The following SAMMSON variants were observed in gnomAD, a reference collection of about 807,000 sequenced individuals.
SAMMSON encodes the protein long intergenic non-protein coding RNA 1212.
chr3:70,070,157 T>G (rs887888966), intron 3 of SAMMSON: 1 of 152,044 alleles, frequency 6.6e-6, no homozygotes, highest in Admixed American at 6.6e-5. Context: ...TTTGAAGTAA[T>G]TGTAGGCTCA....
At position 70,125,017 on chromosome 3, in the gene SAMMSON, G is replaced by A; in HGVS notation, n.507+53452G>A. 1.0e-5 allele frequency: 7 copies of A among 690,694 alleles called. No individual in the cohort carries two copies. The South Asian group carries it at 1.2e-4, about 12-fold the overall frequency. 42.8% of individuals were successfully genotyped at this position (690,694 alleles called of 1,614,324 possible). A position where few individuals can be genotyped will look rare whatever the true frequency, so the allele number is the denominator to read the frequency against. On this transcript the variant is annotated intron_variant and non_coding_transcript_variant, in intron 4 of 9. Coordinates refer to ENST00000642114, the Ensembl canonical transcript of SAMMSON. ...TGGTCAATTTCTTCCTGTCCAAGTT[G>A]GAAAGCCCTTGAAAGATACAGGATT...
intron 3 of SAMMSON, chr3:70,065,410 C>G (rs1161303224): frequency 6.6e-6 from 1 of 152,044 alleles, no homozygotes; most frequent in Non-Finnish European, 1.5e-5. Context: ...CTCTAGCACA[C>G]CTATTACAGA....
At chr3:70,209,007 A>T (rs1278634737) in intron 4 of SAMMSON, among the ~76,000 whole-genome samples, 1 of 152,084 alleles carries the variant, frequency 6.6e-6, no homozygotes, top group Non-Finnish European at 1.5e-5. Flanking sequence ...CAGATGAGAG[A>T]ACACTAGGCT....
intron 2 of SAMMSON, among the ~76,000 whole-genome samples, chr3:70,404,940 T>C (rs1031637133): frequency 5.3e-5 from 8 of 152,114 alleles, no homozygotes; most frequent in Admixed American, 2.0e-4. Flanking sequence ...TCATATTGAG[T>C]CTTTAGCACA....
intron 4 of SAMMSON, chr3:70,125,296 T>C: frequency 1.5e-6 from 2 of 1,309,428 alleles, no homozygotes; most frequent in Non-Finnish European, 2.2e-6. Flanking sequence ...CAACATATCT[T>C]CCAAAAATAT....
intron 6 of SAMMSON, among the ~76,000 whole-genome samples, chr3:70,255,526 ATCCTCCTGCCTCAGTCCTGCAGCCTCAG>A (rs1237697227): frequency 1.3e-5 from 2 of 151,990 alleles, no homozygotes; most frequent in African/African-American, 4.8e-5. Flanking sequence ...GGCTCAAGTG[ATCCTCCTGCCTCAGTCCTGCAGCCTCAG>A]TCCTCCTGCC....
intron 7 of SAMMSON, among the ~76,000 whole-genome samples, chr3:70,300,787 T>C (rs551052544): frequency 6.6e-5 from 10 of 152,004 alleles, no homozygotes; most frequent in Non-Finnish European, 1.2e-4. Context: ...GGCCAGTGAG[T>C]TGCTTTTTAA....
chr3:70,166,137 G>A (rs751977788), intron 4 of SAMMSON, among the ~76,000 whole-genome samples: 2 of 151,960 alleles, frequency 1.3e-5, no homozygotes, highest in Non-Finnish European at 2.9e-5. Context: ...AGTTGGTTAA[G>A]ATCATGGGCC....
chr3:70,047,259 A>G (rs1449385253), intron 3 of SAMMSON, among the ~76,000 whole-genome samples: 1 of 152,120 alleles, frequency 6.6e-6, no homozygotes, highest in Non-Finnish European at 1.5e-5. Context: ...ACTATTGCAC[A>G]GGAACAAAAA....
At chr3:70,074,013 T>C (rs981405230) in intron 4 of SAMMSON, among the ~76,000 whole-genome samples, 1 of 151,836 alleles carries the variant, frequency 6.6e-6, no homozygotes, top group Non-Finnish European at 1.5e-5. Context: ...TACTACCATA[T>C]TATTATTATT....
intron 4 of SAMMSON, among the ~76,000 whole-genome samples, chr3:70,130,149 T>C (rs1006335919): frequency 6.6e-6 from 1 of 152,168 alleles, no homozygotes; most frequent in African/African-American, 2.4e-5. Flanking sequence ...TGTCCCACCA[T>C]TGAATGTTGA....
intron 3 of SAMMSON, among the ~76,000 whole-genome samples, chr3:70,038,387 C>T (rs2067094337): frequency 6.6e-6 from 1 of 152,084 alleles, no homozygotes; most frequent in African/African-American, 2.4e-5. Context: ...CCCTCCCTTT[C>T]CACTTTCTGC....
At chr3:70,159,008 GT>G (rs1377928904) in intron 4 of SAMMSON, among the ~76,000 whole-genome samples, 2 of 151,478 alleles carry the variant, frequency 1.3e-5, no homozygotes, top group Non-Finnish European at 2.9e-5. Context: ...TATATTTTCT[GT>G]TTTTTTCCTA....
At chr3:70,290,330 C>T (rs1484074897) in intron 6 of SAMMSON, among the ~76,000 whole-genome samples, 2 of 147,642 alleles carry the variant, frequency 1.4e-5, no homozygotes, top group African/African-American at 4.9e-5. Context: ...TGTAAGGTGT[C>T]AGTGTGCCCC....
chr3:70,268,223 C>A (rs1322672026), intron 6 of SAMMSON, among the ~76,000 whole-genome samples: 1 of 152,150 alleles, frequency 6.6e-6, no homozygotes, highest in African/African-American at 2.4e-5. Context: ...GTCATCCCAG[C>A]ACTTTGGGGG....
chr3:70,040,701 T>C (rs1179449544), intron 3 of SAMMSON, among the ~76,000 whole-genome samples: 1 of 152,126 alleles, frequency 6.6e-6, no homozygotes, highest in Non-Finnish European at 1.5e-5. Flanking sequence ...CCATTGCATC[T>C]TGAATCCAAT....
intron 3 of SAMMSON, among the ~76,000 whole-genome samples, chr3:70,016,408 C>A (rs531890145): frequency 5.3e-5 from 8 of 152,234 alleles, no homozygotes; most frequent in African/African-American, 1.9e-4. Context: ...CTCTTCACAT[C>A]TTTCACTCAC....
chr3:70,152,635 C>T (rs1207860538), intron 4 of SAMMSON, among the ~76,000 whole-genome samples: 1 of 151,904 alleles, frequency 6.6e-6, no homozygotes, highest in Admixed American at 6.6e-5. Flanking sequence ...GAGATATTGT[C>T]GGAATAGACT....
Position 70,218,398 on chromosome 3 carries a change from G to T in SAMMSON, n.508-30709G>T, listed in dbSNP as rs1253668398. Among the ~76,000 whole-genome samples, 3 of 152,100 alleles carry T rather than the reference G, an allele frequency of 2.0e-5. No homozygotes were observed. In the East Asian group the frequency reaches 5.8e-4, roughly 29 times the overall value. ...ATTTTTCCCTTTTTTACTAGTAAAG[G>T]TTTATAAGCTTTACAGTAAAAAATC... On this transcript the variant is annotated intron_variant and non_coding_transcript_variant, in intron 4 of 9. Transcript: ENST00000642114.
Sources: allele counts gnomAD v4.1 joint callset (sites outside exome capture counted in the v4.1 genomes callset), GRCh38; gene constraint gnomAD v4.1.1; transcripts MANE v1.5; gene names NCBI Gene and HGNC (gene_info 2026-07-23, HGNC 2026-07-21).